The following HIBADH variants were observed in gnomAD, a reference collection of about 807,000 sequenced individuals.
HIBADH encodes the protein 3-hydroxyisobutyrate dehydrogenase, mitochondrial.
A neutral mutation model predicts 36.1 loss-of-function variants in HIBADH; 25 were observed. That is an observed-to-expected ratio of 0.69 (90% confidence interval 0.50 to 0.97). The LOEUF is 0.97. Ranked by LOEUF, HIBADH falls within the 50% of genes least tolerant of loss-of-function variation. The probability of loss-of-function intolerance (pLI) is 0.00; values close to 1 mark genes in which losing one functional copy is unlikely to be tolerated. For missense variants in HIBADH, 421 were observed against 418.0 expected (o/e 1.01, Z -0.06); for synonymous variants, 160 against 149.5 (o/e 1.07, Z -0.51).
chr7:27,559,890 T>A (rs117591875), intron 4 of HIBADH, among the ~76,000 whole-genome samples: 6 of 152,374 alleles, frequency 3.9e-5, no homozygotes, highest in African/African-American at 1.4e-4. Context: ...AGAACTATTA[T>A]AAATGTCCAA....
At chr7:27,555,301 A>AC (rs1784374811) in intron 4 of HIBADH, among the ~76,000 whole-genome samples, 1 of 65,522 alleles carries the variant, frequency 1.5e-5, no homozygotes, top group Non-Finnish European at 2.9e-5. Context: ...TTCTTGCTCT[A>AC]CTTTTTTTTT....
intron 1 of HIBADH, among the ~76,000 whole-genome samples, chr7:27,656,702 TC>T (rs2128297980): frequency 6.6e-6 from 1 of 152,328 alleles, no homozygotes; most frequent in Non-Finnish European, 1.5e-5. Flanking sequence ...TTATAACCTT[TC>T]CCATTTTTTA....
Sources: gnomAD v4.1 joint callset for allele counts (sites outside exome capture counted in the v4.1 genomes callset) on GRCh38, gnomAD v4.1.1 for gene constraint, MANE v1.5 for transcripts, NCBI Gene and HGNC (gene_info 2026-07-23, HGNC 2026-07-21) for gene names.